Variants in CDH18 observed in about 807,000 individuals in gnomAD.
CDH18 encodes cadherin-18.
Under a neutral mutation model 67.9 loss-of-function variants are expected in CDH18, and 31 were observed. The observed-to-expected ratio is 0.46, with a 90% CI of 0.34 to 0.62. The LOEUF is 0.62. Ranked by LOEUF, CDH18 falls within the 20% of genes least tolerant of loss-of-function variation. The pLI is 0.01. For missense variants in CDH18, 890 were observed against 975.5 expected (o/e 0.91, Z 1.17); for synonymous variants, 362 against 347.2 (o/e 1.04, Z -0.48).
At chr5:19,741,330 T>TCACACACACA (rs60803879) in intron 4 of CDH18, among the ~76,000 whole-genome samples, 89 of 145,722 alleles carry the variant, frequency 6.1e-4, no homozygotes, top group African/African-American at 1.9e-3. Context: ...TATACATGTC[T>TCACACACACA]CACACACACA....
chr5:19,663,310 A>G (rs548582889), intron 5 of CDH18, among the ~76,000 whole-genome samples: 40 of 152,038 alleles, frequency 2.6e-4, no homozygotes, highest in African/African-American at 8.4e-4. Context: ...TTTCCAATAT[A>G]TAAAACCTAT....
At chr5:20,363,717 A>AT (rs1375634304) in intron 1 of CDH18, among the ~76,000 whole-genome samples, 5 of 60,214 alleles carry the variant, frequency 8.3e-5, no homozygotes, top group Non-Finnish European at 2.7e-4. Context: ...TAGCAAAGTT[A>AT]ATTTTTTTTT....
intron 2 of CDH18, among the ~76,000 whole-genome samples, chr5:20,135,589 C>T (rs1192390172): frequency 2.0e-5 from 3 of 152,066 alleles, no homozygotes; most frequent in Non-Finnish European, 4.4e-5. Flanking sequence ...GTCTCTAATT[C>T]CTTCAGTTCA....
At chr5:19,566,921 T>A (rs1740507570) in intron 8 of CDH18, among the ~76,000 whole-genome samples, 1 of 152,194 alleles carries the variant, frequency 6.6e-6, no homozygotes, top group African/African-American at 2.4e-5. Flanking sequence ...TAAGATTCTA[T>A]CATTTGCAAC....
In CDH18 at chr5:19,855,474, T is replaced by C. The variant is rs1012711188; in HGVS notation, c.-256-16232A>G. The stretch of plus-strand genomic sequence containing the variant: ...TGGATAGGAAGGAGCCTTTTCTCTG[T>C]GTACATTTTATTTTATTTTTTTTCT... On this transcript the variant is annotated intron_variant, in intron 2 of 12. Transcript: ENST00000382275. 7.2e-5 allele frequency among the ~76,000 whole-genome samples: 11 copies of C among 152,292 alleles called. No homozygotes were observed. In the East Asian group the frequency reaches 2.1e-3, roughly 29 times the overall value.
At chr5:20,557,260 C>T (rs1757955154) in intron 1 of CDH18, among the ~76,000 whole-genome samples, 1 of 151,750 alleles carries the variant, frequency 6.6e-6, no homozygotes. Context: ...CGAAACAATG[C>T]AAGTTCAACC....
At chr5:19,865,180 C>A (rs1785352740) in intron 2 of CDH18, among the ~76,000 whole-genome samples, 1 of 152,060 alleles carries the variant, frequency 6.6e-6, no homozygotes, top group Admixed American at 6.6e-5. Context: ...GCCACACTTG[C>A]TGTGGGAACT....
At chr5:19,604,246 T>C (rs1747652916) in intron 6 of CDH18, among the ~76,000 whole-genome samples, 1 of 152,114 alleles carries the variant, frequency 6.6e-6, no homozygotes, top group Non-Finnish European at 1.5e-5. Context: ...TTTACTTGAA[T>C]AAGTCATTCC....
In CDH18 at chr5:19,472,345, A is replaced by G. The variant is rs935530445; in HGVS notation, c.*881T>C. On this transcript the variant is annotated 3_prime_UTR_variant, in exon 13 of 13. Transcript: ENST00000382275. Reference sequence around the variant, plus strand: ...GAAATGACCAAAATTGCTGATTTAAATATAATAAAACAAGTGGAAAAAAGG... The same window carrying G: ...GAAATGACCAAAATTGCTGATTTAAGTATAATAAAACAAGTGGAAAAAAGG... Among the ~76,000 whole-genome samples, 1 of 152,182 alleles carries G rather than the reference A, an allele frequency of 6.6e-6. No individual in the cohort carries two copies. The highest frequency in any genetic ancestry group is 2.4e-5 in the African/African-American group (1 of 41,456).
At chr5:19,512,320 A>G (rs1022432113) in intron 10 of CDH18, among the ~76,000 whole-genome samples, 12 of 152,206 alleles carry the variant, frequency 7.9e-5, no homozygotes, top group Middle Eastern at 3.2e-3. Flanking sequence ...TCCGAAAACA[A>G]TGTCTGATGC....
chr5:20,059,211 C>T (rs1433387224), intron 2 of CDH18, among the ~76,000 whole-genome samples: 2 of 151,362 alleles, frequency 1.3e-5, no homozygotes, highest in Admixed American at 6.6e-5. Flanking sequence ...CTATTTGATT[C>T]TTCTCTCTTT....
At chr5:19,797,935 C>G (rs894543850) in intron 3 of CDH18, among the ~76,000 whole-genome samples, 4 of 152,086 alleles carry the variant, frequency 2.6e-5, no homozygotes, top group Middle Eastern at 6.8e-3. Flanking sequence ...GGTGATAAAG[C>G]TACAGTGGAC....
At chr5:20,157,670 T>A (rs985636479) in intron 2 of CDH18, among the ~76,000 whole-genome samples, 21 of 150,980 alleles carry the variant, frequency 1.4e-4, no homozygotes, top group African/African-American at 4.9e-4. Context: ...CAAGACAGAA[T>A]CTTGCTCTGT....
At chr5:20,417,338 TTCA>T (rs762589025) in intron 1 of CDH18, among the ~76,000 whole-genome samples, 1 of 152,192 alleles carries the variant, frequency 6.6e-6, no homozygotes, top group Non-Finnish European at 1.5e-5. Flanking sequence ...CCTGGAATTC[TTCA>T]TCAATTCCTT....
intron 1 of CDH18, among the ~76,000 whole-genome samples, chr5:20,316,029 C>G (rs1737429784): frequency 6.6e-6 from 1 of 152,052 alleles, no homozygotes. Flanking sequence ...ATCAAAACAA[C>G]AATTAAAATA....
chr5:20,280,642 A>C (rs865936992), intron 1 of CDH18, among the ~76,000 whole-genome samples: 23 of 152,228 alleles, frequency 1.5e-4, no homozygotes, highest in African/African-American at 5.1e-4. Flanking sequence ...AGTCTTTGCT[A>C]TTGTGAATAG....
intron 2 of CDH18, among the ~76,000 whole-genome samples, chr5:20,067,096 A>G (rs1357311488): frequency 3.3e-5 from 5 of 151,960 alleles, no homozygotes; most frequent in Admixed American, 3.3e-4. Flanking sequence ...ATTAGGTATC[A>G]CCAATAAGCC....
chr5:20,460,221 G>C (rs1192673883), intron 1 of CDH18, among the ~76,000 whole-genome samples: 1 of 151,802 alleles, frequency 6.6e-6, no homozygotes. Flanking sequence ...GGTGAAACCT[G>C]TCTCTACTAA....
rs748460644 is a variant in CDH18, at chr5:19,529,057, T to C, written c.1391-8279A>G. On this transcript the variant is annotated intron_variant, in intron 9 of 12. Transcript: ENST00000382275. ...CATCACAAAGGATCGTAAAATGGAA[T>C]AAAATATATAAAAAAGAAAATAGAT... is the stretch of plus-strand genomic sequence containing the variant. Among the ~76,000 whole-genome samples the C allele has an allele frequency of 1.6e-4, 24 of 151,650 alleles. 1 individual carries two copies. The highest frequency in any genetic ancestry group is 6.6e-4 in the Admixed American group (10 of 15,226).
Sources: allele counts gnomAD v4.1 joint callset (sites outside exome capture counted in the v4.1 genomes callset), GRCh38; gene constraint gnomAD v4.1.1; transcripts MANE v1.5; gene names NCBI Gene and HGNC (gene_info 2026-07-23, HGNC 2026-07-21).